Variants in KIAA1328 observed in about 807,000 individuals in gnomAD.
KIAA1328 encodes protein hinderin.
A neutral mutation model predicts 68.1 loss-of-function variants in KIAA1328; 52 were observed. That is an observed-to-expected ratio of 0.76 (90% confidence interval 0.61 to 0.96). The LOEUF (loss-of-function observed/expected upper bound fraction) is 0.96, where lower values mean the gene tolerates loss of function less well. KIAA1328 is among the 40% of genes least tolerant of loss of function. The probability of loss-of-function intolerance (pLI) is 0.00; values close to 1 mark genes in which losing one functional copy is unlikely to be tolerated. For synonymous variants in KIAA1328, 232 were observed against 239.4 expected (o/e 0.97, Z 0.28); for missense variants, 641 against 677.6 (o/e 0.95, Z 0.60).
chr18:36,961,165 G>A (rs1568219526), intron 6 of KIAA1328, among the ~76,000 whole-genome samples: 1 of 152,182 alleles, frequency 6.6e-6, no homozygotes, highest in Non-Finnish European at 1.5e-5. Context: ...ACCTTGTGAT[G>A]TGTGCACAAG....
At chr18:37,119,140 G>A in intron 7 of KIAA1328, among the ~76,000 whole-genome samples, 1 of 152,176 alleles carries the variant, frequency 6.6e-6, no homozygotes, top group East Asian at 1.9e-4. Context: ...GTCCATGGAT[G>A]GTGGTTTTGC....
chr18:37,034,859 C>T (rs1056259210), intron 6 of KIAA1328, among the ~76,000 whole-genome samples: 5 of 152,056 alleles, frequency 3.3e-5, no homozygotes, highest in East Asian at 1.9e-4. Context: ...TATGAGGTAA[C>T]GTGGTACTGT....
intron 6 of KIAA1328, among the ~76,000 whole-genome samples, chr18:36,979,848 CTA>C (rs1386900858): frequency 2.0e-5 from 3 of 152,184 alleles, no homozygotes; most frequent in Non-Finnish European, 2.9e-5. Context: ...TATACCAGTG[CTA>C]TGGTCTGATT....
intron 8 of KIAA1328, among the ~76,000 whole-genome samples, chr18:37,170,547 T>C (rs1417772802): frequency 1.3e-5 from 2 of 152,226 alleles, no homozygotes; most frequent in African/African-American, 4.8e-5. Context: ...CTAATGTAAC[T>C]CTCTGTCTCC....
intron 6 of KIAA1328, among the ~76,000 whole-genome samples, chr18:36,987,312 A>C (rs1194728912): frequency 7.8e-4 from 109 of 139,338 alleles, no homozygotes; most frequent in African/African-American, 2.8e-3. Flanking sequence ...AGGAAGGGGA[A>C]TATCACACTC....
At chr18:37,105,486 T>G (rs2057744343) in intron 7 of KIAA1328, among the ~76,000 whole-genome samples, 1 of 126,816 alleles carries the variant, frequency 7.9e-6, no homozygotes, top group African/African-American at 3.3e-5. Flanking sequence ...AGAATGAGAC[T>G]CTGTCTTTTT....
At chr18:36,838,547 G>C (rs1298211252) in intron 3 of KIAA1328, among the ~76,000 whole-genome samples, 2 of 152,152 alleles carry the variant, frequency 1.3e-5, no homozygotes, top group African/African-American at 2.4e-5. Flanking sequence ...AAAATTCTGA[G>C]TTGATAGTTT....
intron 9 of KIAA1328, among the ~76,000 whole-genome samples, chr18:37,174,248 C>T (rs1023885620): frequency 1.2e-4 from 19 of 152,206 alleles, no homozygotes; most frequent in Non-Finnish European, 1.3e-4. Flanking sequence ...GCCAGCATTT[C>T]AGACTCCAAA....
At chr18:37,202,779 C>A (rs2060138998) in intron 9 of KIAA1328, among the ~76,000 whole-genome samples, 2 of 151,980 alleles carry the variant, frequency 1.3e-5, no homozygotes, top group African/African-American at 4.8e-5. Context: ...AGGTTAAACA[C>A]CATTATTATT....
chr18:37,032,487 A>T (rs116485783), intron 6 of KIAA1328, among the ~76,000 whole-genome samples: 2 of 152,084 alleles, frequency 1.3e-5, no homozygotes, highest in African/African-American at 4.8e-5. Flanking sequence ...GTTTATGGTC[A>T]TGCAGTTCTT....
intron 6 of KIAA1328, among the ~76,000 whole-genome samples, chr18:37,028,419 G>A (rs1331004849): frequency 1.3e-5 from 2 of 151,866 alleles, no homozygotes; most frequent in African/African-American, 4.8e-5. Context: ...GTTTATCTAG[G>A]AGCTTTAGGG....
chr18:37,018,940 T>C (rs1179458911), intron 6 of KIAA1328, among the ~76,000 whole-genome samples: 1 of 152,228 alleles, frequency 6.6e-6, no homozygotes, highest in African/African-American at 2.4e-5. Flanking sequence ...GTTTCTGTTT[T>C]GGTTACAGAC....
At chr18:37,169,124 T>C (rs1472806046) in intron 8 of KIAA1328, among the ~76,000 whole-genome samples, 1 of 151,480 alleles carries the variant, frequency 6.6e-6, no homozygotes, top group African/African-American at 2.4e-5. Context: ...CCTAGTAATA[T>C]TCTTAACAGC....
intron 5 of KIAA1328, among the ~76,000 whole-genome samples, chr18:36,900,315 T>C (rs559239434): frequency 2.4e-4 from 37 of 152,088 alleles, no homozygotes; most frequent in African/African-American, 8.2e-4. Context: ...GATTATCATG[T>C]GGGTAAGTTC....
chr18:37,209,243 G>A (rs1367921993), intron 9 of KIAA1328, among the ~76,000 whole-genome samples: 1 of 152,188 alleles, frequency 6.6e-6, no homozygotes, highest in East Asian at 1.9e-4. Flanking sequence ...GCTGTCTAAA[G>A]ATTTTTAAAA....
chr18:36,840,083 C>G (rs549646135), intron 3 of KIAA1328, among the ~76,000 whole-genome samples: 3 of 152,144 alleles, frequency 2.0e-5, no homozygotes, highest in Non-Finnish European at 4.4e-5. Context: ...CTTTCCTGGA[C>G]TCCCAGCTGT....
chr18:37,164,983 C>T (rs1328144103), intron 8 of KIAA1328, among the ~76,000 whole-genome samples: 4 of 152,058 alleles, frequency 2.6e-5, no homozygotes, highest in Non-Finnish European at 4.4e-5. Flanking sequence ...TCTAGTCAAT[C>T]CTCCTGAAGC....
chr18:37,112,079 G>C (rs2057947596), intron 7 of KIAA1328, among the ~76,000 whole-genome samples: 1 of 152,228 alleles, frequency 6.6e-6, no homozygotes. Flanking sequence ...TGCCTCTGTA[G>C]ACTCCACCTC....
chr18:37,163,136 G>A (rs763187221), intron 8 of KIAA1328, among the ~76,000 whole-genome samples: 15 of 152,050 alleles, frequency 9.9e-5, no homozygotes, highest in African/African-American at 2.9e-4. Context: ...GCCTCAAAAC[G>A]TTTTCCACCA....
Sources: gnomAD v4.1 joint callset for allele counts (sites outside exome capture counted in the v4.1 genomes callset) on GRCh38, gnomAD v4.1.1 for gene constraint, MANE v1.5 for transcripts, NCBI Gene and HGNC (gene_info 2026-07-23, HGNC 2026-07-21) for gene names.